Variants in GRIN2A observed in about 807,000 individuals in gnomAD.
The protein encoded by GRIN2A is glutamate receptor ionotropic, NMDA 2A.
A neutral mutation model predicts 113.4 loss-of-function variants in GRIN2A; 22 were observed. The observed-to-expected ratio is 0.19, with a 90% confidence interval of 0.14 to 0.28. The LOEUF (loss-of-function observed/expected upper bound fraction) is 0.28, where lower values mean the gene tolerates loss of function less well. GRIN2A is among the 10% of genes least tolerant of loss of function. The probability of loss-of-function intolerance (pLI) is 1.00; values close to 1 mark genes in which losing one functional copy is unlikely to be tolerated. For missense variants in GRIN2A, 1,502 were observed against 1,887.0 expected (o/e 0.80, Z 3.78); for synonymous variants, 827 against 738.4 (o/e 1.12, Z -1.94).
chr16:10,019,414 A>G (rs1781731243), intron 2 of GRIN2A, among the ~76,000 whole-genome samples: 1 of 152,256 alleles, frequency 6.6e-6, no homozygotes, highest in South Asian at 2.1e-4. Flanking sequence ...AATGGAAGAT[A>G]TTGTCACAAG....
At chr16:9,910,537 CTTTTT>C (rs35352418) in intron 3 of GRIN2A, among the ~76,000 whole-genome samples, 1 of 123,282 alleles carries the variant, frequency 8.1e-6, no homozygotes, top group African/African-American at 3.1e-5. Context: ...TCTCAGAGTT[CTTTTT>C]TTTTTTTTTT....
At chr16:9,992,593 T>C (rs1275193111) in intron 2 of GRIN2A, among the ~76,000 whole-genome samples, 1 of 152,226 alleles carries the variant, frequency 6.6e-6, no homozygotes, top group African/African-American at 2.4e-5. Context: ...CCAACTAACA[T>C]GTTTTCTGAA....
intron 2 of GRIN2A, among the ~76,000 whole-genome samples, chr16:10,088,778 G>A (rs764268154): frequency 3.9e-5 from 6 of 152,166 alleles, no homozygotes; most frequent in Admixed American, 6.5e-5. Context: ...GTCCAAAACA[G>A]TCTCCTGGGC....
Position 9,938,032 on chromosome 16 carries a change from A to G in GRIN2A, c.934T>C (p.Tyr312His), listed in dbSNP as rs2044756352. ...AASSMLEKFS[Y>H]IPEAKASCYG... is the part of the protein sequence containing the mutation. ...CAGCTGGCCTTGGCCTCGGGGATGT[A>G]GGAGAACTTCTCCAGCATAGAAGAT... The change falls in exon 3 of 13, where the codon TAC becomes CAC. Residue 312 changes from tyrosine to histidine, a missense_variant. This residue lies in a region of GRIN2A where 334 missense variants were observed against 403.0 expected (regional missense o/e 0.83). Coordinates refer to ENST00000330684, the MANE Select transcript of GRIN2A (RefSeq NM_001134407.3). 7 of 1,614,042 alleles carry G rather than the reference A, an allele frequency of 4.3e-6. No homozygotes were observed. Among genetic ancestry groups the G allele is most frequent in the Non-Finnish European group, 5.9e-6 (7 of 1,179,974 alleles).
At position 9,935,556 on chromosome 16, in the gene GRIN2A, A is replaced by T. The variant is rs1354667636; in HGVS notation, c.1007+2403T>A. 8.5e-5 allele frequency among the ~76,000 whole-genome samples: 12 copies of T among 141,908 alleles called. No individual in the cohort carries two copies. In the South Asian group the frequency reaches 2.7e-3, roughly 32 times the overall value. 93.1% of individuals were successfully genotyped at this position (141,908 alleles called of 152,430 possible). ...CACACACACACACACACACACACACACACTCCTCCAGCCCCAGTTCAGAGA... is the reference window on the plus strand; with the variant it reads ...CACACACACACACACACACACACACTCACTCCTCCAGCCCCAGTTCAGAGA... On this transcript the variant is annotated intron_variant, in intron 3 of 12. Coordinates refer to ENST00000330684, the MANE Select transcript of GRIN2A (RefSeq NM_001134407.3).
intron 3 of GRIN2A, among the ~76,000 whole-genome samples, chr16:9,901,460 ATAT>A (rs2043923115): frequency 6.6e-6 from 1 of 152,138 alleles, no homozygotes. Flanking sequence ...GGGAAAATAC[ATAT>A]TATATATATA....
chr16:9,770,809 A>C (rs78831367), intron 11 of GRIN2A, among the ~76,000 whole-genome samples: 1 of 152,138 alleles, frequency 6.6e-6, no homozygotes, highest in Non-Finnish European at 1.5e-5. Context: ...GTGGTTTTAT[A>C]GTTACAGAAA....
chr16:10,048,459 T>C (rs1286886945), intron 2 of GRIN2A, among the ~76,000 whole-genome samples: 1 of 152,218 alleles, frequency 6.6e-6, no homozygotes, highest in African/African-American at 2.4e-5. Flanking sequence ...AAAACTTCTA[T>C]TTGCCCAAAG....
At chr16:10,102,118 GAC>G (rs796219848) in intron 2 of GRIN2A, among the ~76,000 whole-genome samples, 5 of 152,310 alleles carry the variant, frequency 3.3e-5, no homozygotes, top group African/African-American at 9.6e-5. Context: ...TTTCAATAAG[GAC>G]ACAGAGGTTC....
At chr16:10,018,438 G>C (rs837699) in intron 2 of GRIN2A, among the ~76,000 whole-genome samples, 5,937 of 152,256 alleles carry the variant, frequency 0.039, 403 homozygotes, top group African/African-American at 0.13. Context: ...CCCTGGAGAA[G>C]AGTTCACCAA....
chr16:10,066,298 C>A (rs1485217285), intron 2 of GRIN2A, among the ~76,000 whole-genome samples: 1 of 152,160 alleles, frequency 6.6e-6, no homozygotes, highest in African/African-American at 2.4e-5. Flanking sequence ...GAAGTGGCCG[C>A]TGGGCTCCTT....
chr16:10,044,022 T>TATAGAGAGAGAGAGAGAGAG (rs531659457), intron 2 of GRIN2A, among the ~76,000 whole-genome samples: 1 of 107,972 alleles, frequency 9.3e-6, no homozygotes, highest in Admixed American at 1.1e-4. Flanking sequence ...TATATATATA[T>TATAGAGAGAGAGAGAGAGAG]AGAGAGAGAG....
chr16:10,174,077 C>T (rs1040551292), intron 2 of GRIN2A, among the ~76,000 whole-genome samples: 1 of 152,010 alleles, frequency 6.6e-6, no homozygotes, highest in Non-Finnish European at 1.5e-5. Context: ...GGAATCAAAG[C>T]CACATAATCC....
chr16:9,961,750 C>T (rs1040055691), intron 2 of GRIN2A, among the ~76,000 whole-genome samples: 3 of 152,208 alleles, frequency 2.0e-5, no homozygotes, highest in Non-Finnish European at 4.4e-5. Context: ...CTACCAATGA[C>T]TTTCTTCACA....
intron 2 of GRIN2A, among the ~76,000 whole-genome samples, chr16:10,125,131 T>G (rs1210100502): frequency 1.2e-4 from 18 of 152,230 alleles, no homozygotes; most frequent in Non-Finnish European, 1.5e-5. Context: ...GAAAGGGTTT[T>G]AAATCTGTCT....
At chr16:9,968,717 C>T (rs1290569467) in intron 2 of GRIN2A, among the ~76,000 whole-genome samples, 2 of 152,138 alleles carry the variant, frequency 1.3e-5, no homozygotes, top group Non-Finnish European at 2.9e-5. Context: ...AAGAGAGTCT[C>T]CTGCTTCAGT....
intron 4 of GRIN2A, among the ~76,000 whole-genome samples, chr16:9,887,119 T>C (rs1288021885): frequency 6.6e-6 from 1 of 152,134 alleles, no homozygotes; most frequent in East Asian, 1.9e-4. Flanking sequence ...ACTCCTGAGC[T>C]CAGGCAATCT....
intron 3 of GRIN2A, among the ~76,000 whole-genome samples, chr16:9,929,562 C>T (rs1314446636): frequency 6.6e-6 from 1 of 152,158 alleles, no homozygotes; most frequent in Non-Finnish European, 1.5e-5. Context: ...CTTTCCTAGA[C>T]CTGTGCTATG....
At chr16:10,130,438 A>T (rs1412066465) in intron 2 of GRIN2A, among the ~76,000 whole-genome samples, 3 of 152,230 alleles carry the variant, frequency 2.0e-5, no homozygotes, top group Non-Finnish European at 4.4e-5. Flanking sequence ...GTGCCTTTGC[A>T]AACATGATTC....
Sources: gnomAD v4.1 joint callset for allele counts (sites outside exome capture counted in the v4.1 genomes callset) on GRCh38, gnomAD v4.1.1 for gene constraint, gnomAD v4.1.1 regional missense constraint, MANE v1.5 for transcripts, NCBI Gene and HGNC (gene_info 2026-07-23, HGNC 2026-07-21) for gene names.